PDE4D: variants seen among roughly 807,000 people sequenced by gnomAD.
The protein encoded by PDE4D is phosphodiesterase 4D.
PDE4D carries 24 observed loss-of-function variants against 87.4 expected under a neutral mutation model. The ratio of observed to expected loss-of-function variants is 0.27; its 90% CI spans 0.20 to 0.39. The LOEUF (loss-of-function observed/expected upper bound fraction) is 0.39. Ranked by LOEUF, PDE4D falls within the 10% of genes least tolerant of loss-of-function variation. PDE4D has a pLI of 1.00. For synonymous variants in PDE4D, 384 were observed against 383.2 expected, an observed-to-expected ratio of 1.00 and a Z score of -0.02; for missense variants, 714 against 1,041.0, an observed-to-expected ratio of 0.69 and a Z score of 4.32.
intron 5 of PDE4D, among the ~76,000 whole-genome samples, chr5:59,167,042 A>G (rs1337293973): frequency 1.3e-5 from 2 of 152,212 alleles, no homozygotes; most frequent in Non-Finnish European, 2.9e-5. Context: ...AAGACCTGAC[A>G]TTTACTATGT....
intron 2 of PDE4D, among the ~76,000 whole-genome samples, chr5:60,106,586 A>G (rs1301632113): frequency 6.6e-6 from 1 of 151,026 alleles, no homozygotes; most frequent in East Asian, 1.9e-4. Context: ...CACCTATTCC[A>G]AAATTGACCA....
intron 1 of PDE4D, among the ~76,000 whole-genome samples, chr5:59,561,788 C>T (rs1011697456): frequency 4.6e-5 from 7 of 152,004 alleles, no homozygotes; most frequent in African/African-American, 1.4e-4. Flanking sequence ...AAAAATTAGC[C>T]AGGCATGGTG....
intron 3 of PDE4D, among the ~76,000 whole-genome samples, chr5:59,964,511 A>G (rs1358073791): frequency 2.0e-5 from 3 of 152,054 alleles, no homozygotes; most frequent in Non-Finnish European, 2.9e-5. Flanking sequence ...GAGTGTCCAC[A>G]TCTACTCCTA....
chr5:60,046,352 C>G (rs538605556), intron 2 of PDE4D, among the ~76,000 whole-genome samples: 4 of 152,094 alleles, frequency 2.6e-5, no homozygotes, highest in Non-Finnish European at 5.9e-5. Flanking sequence ...ATTGAATACC[C>G]TTTATTTCCT....
intron 6 of PDE4D, among the ~76,000 whole-genome samples, chr5:58,994,470 A>G (rs1384794508): frequency 2.7e-5 from 4 of 148,588 alleles, no homozygotes; most frequent in African/African-American, 7.4e-5. Flanking sequence ...TATTTTTTCT[A>G]CACATAGAGT....
chr5:60,366,082 C>G (rs1760519112), intron 1 of PDE4D, among the ~76,000 whole-genome samples: 1 of 150,946 alleles, frequency 6.6e-6, no homozygotes, highest in Non-Finnish European at 1.5e-5. Flanking sequence ...TTCCAGAACT[C>G]TAAATCCCAA....
At chr5:59,253,072 C>A (rs899648039) in intron 1 of PDE4D, among the ~76,000 whole-genome samples, 2 of 152,148 alleles carry the variant, frequency 1.3e-5, no homozygotes, top group African/African-American at 4.8e-5. Context: ...GTCAAAGAAT[C>A]TTGCCCCCTC....
chr5:60,109,998 A>T (rs1018381435), intron 2 of PDE4D, among the ~76,000 whole-genome samples: 7 of 152,034 alleles, frequency 4.6e-5, no homozygotes, highest in Non-Finnish European at 8.8e-5. Flanking sequence ...GTACCCTAAA[A>T]CTTAAAGTAT....
At chr5:59,653,695 T>C (rs1051763610) in intron 1 of PDE4D, among the ~76,000 whole-genome samples, 5 of 152,150 alleles carry the variant, frequency 3.3e-5, no homozygotes, top group Non-Finnish European at 2.9e-5. Context: ...CAGTTTATTC[T>C]CAGAAAATAC....
At chr5:59,005,061 T>C (rs979935819) in intron 6 of PDE4D, among the ~76,000 whole-genome samples, 2 of 152,212 alleles carry the variant, frequency 1.3e-5, no homozygotes, top group African/African-American at 4.8e-5. Context: ...AATATTTTTA[T>C]ACTGATTATA....
chr5:60,004,770 G>A (rs931623437), intron 2 of PDE4D, among the ~76,000 whole-genome samples: 3 of 152,054 alleles, frequency 2.0e-5, no homozygotes, highest in Admixed American at 1.3e-4. Context: ...ACCACAATGC[G>A]GTATCTTCTC....
chr5:59,749,846 T>C (rs1196468186), intron 1 of PDE4D, among the ~76,000 whole-genome samples: 1 of 152,120 alleles, frequency 6.6e-6, no homozygotes, highest in Non-Finnish European at 1.5e-5. Context: ...GAAACCTCCA[T>C]GCAGAAATCT....
intron 1 of PDE4D, among the ~76,000 whole-genome samples, chr5:59,231,411 A>G (rs1025257976): frequency 6.6e-6 from 1 of 152,210 alleles, no homozygotes; most frequent in African/African-American, 2.4e-5. Flanking sequence ...GGACTGGCTC[A>G]TAGCTCCTCC....
intron 1 of PDE4D, among the ~76,000 whole-genome samples, chr5:59,883,208 C>A (rs145271951): frequency 1.3e-4 from 20 of 152,268 alleles, no homozygotes; most frequent in African/African-American, 4.6e-4. Flanking sequence ...AGGAACAGAG[C>A]AGGTCAAAAA....
intron 1 of PDE4D, chr5:59,586,403 T>C (rs760691506): frequency 6.2e-7 from 1 of 1,608,918 alleles, no homozygotes; most frequent in Non-Finnish European, 8.5e-7. Flanking sequence ...CATTAATATT[T>C]TTCTTGTCTC....
intron 2 of PDE4D, among the ~76,000 whole-genome samples, chr5:60,043,465 G>T (rs1768767296): frequency 6.6e-6 from 1 of 152,036 alleles, no homozygotes; most frequent in South Asian, 2.1e-4. Context: ...GATACTCCTC[G>T]AGAAGAGCAA....
At chr5:59,630,075 T>G (rs1055504955) in intron 1 of PDE4D, among the ~76,000 whole-genome samples, 1 of 152,244 alleles carries the variant, frequency 6.6e-6, no homozygotes, top group African/African-American at 2.4e-5. Context: ...GTGTCTTATT[T>G]GGCTTTTCCT....
chr5:59,994,101 C>A (rs770945246), intron 2 of PDE4D, among the ~76,000 whole-genome samples: 14 of 151,438 alleles, frequency 9.2e-5, no homozygotes, highest in Non-Finnish European at 1.5e-4. Flanking sequence ...TAATTAATTT[C>A]TTTGTTTAAT....
At chr5:60,261,439 C>T (rs1340762962) in intron 1 of PDE4D, among the ~76,000 whole-genome samples, 1 of 152,126 alleles carries the variant, frequency 6.6e-6, no homozygotes, top group African/African-American at 2.4e-5. Context: ...TCTGAGAAGG[C>T]TTTAGAGGAA....
Sources: gnomAD v4.1 joint callset for allele counts (sites outside exome capture counted in the v4.1 genomes callset) on GRCh38, gnomAD v4.1.1 for gene constraint, MANE v1.5 for transcripts, NCBI Gene and HGNC (gene_info 2026-07-23, HGNC 2026-07-21) for gene names.